DNAH9: variants seen among roughly 807,000 people sequenced by gnomAD.
DNAH9 encodes dynein axonemal heavy chain 9.
DNAH9 carries 345 observed loss-of-function variants against 471.6 expected under a neutral mutation model. The ratio of observed to expected loss-of-function variants is 0.73; its 90% CI spans 0.67 to 0.80. The LOEUF is 0.80. DNAH9 is among the 30% of genes least tolerant of loss of function. DNAH9 has a pLI of 0.00. For missense variants in DNAH9, 5,407 were observed against 5,609.2 expected (o/e 0.96, Z 1.15); for synonymous variants, 2,093 against 2,123.6 (o/e 0.99, Z 0.40).
intron 50 of DNAH9, among the ~76,000 whole-genome samples, chr17:11,857,125 G>A (rs1971654970): frequency 6.6e-6 from 1 of 152,102 alleles, no homozygotes; most frequent in African/African-American, 2.4e-5. Flanking sequence ...AAAGACTCTT[G>A]ACTCAAGTTA....
intron 62 of DNAH9, 138 bp downstream of exon 62, chr17:11,924,079 C>G: frequency 3.1e-6 from 4 of 1,291,502 alleles, no homozygotes; most frequent in Non-Finnish European, 3.2e-6. Flanking sequence ...TTCATCTTCT[C>G]TCTTTCCAGT....
rs867402678 is a variant in DNAH9 at position 11,689,822 on chromosome 17, T to A, written c.4000T>A (p.Leu1334Met). The A allele has an allele frequency of 6.2e-7, 1 of 1,613,620 alleles. No individual in the cohort carries two copies. Among genetic ancestry groups the A allele is most frequent in the Non-Finnish European group, 8.5e-7 (1 of 1,179,826 alleles). Residue 1334 changes from leucine to methionine, a missense_variant, in exon 20 of 69, where the codon TTG becomes ATG. Physicochemically the swap from Leu to Met is conservative, Grantham distance 15. Transcript: ENST00000262442. ...GAATATCAACGTGGAAGCCATGGAG[T>A]TGGAGTGCAAACAGTTTGCCCGGCA... ...WRNINVEAME[L>M]ECKQFARHIR...
intron 67 of DNAH9, among the ~76,000 whole-genome samples, chr17:11,945,565 TTCTGG>T (rs1326168533): frequency 2.0e-5 from 3 of 149,570 alleles, no homozygotes; most frequent in African/African-American, 4.9e-5. Flanking sequence ...CACTTTAAAG[TTCTGG>T]GACTGTTGGA....
chr17:11,885,823 C>T (rs960626115), intron 56 of DNAH9, among the ~76,000 whole-genome samples: 1 of 152,184 alleles, frequency 6.6e-6, no homozygotes, highest in African/African-American at 2.4e-5. Context: ...TTTTGTAATA[C>T]TCCTGCAGTT....
rs534938779 is a variant in DNAH9 at position 11,836,574 on chromosome 17, C to T, written c.9507+1676C>T. Among the ~76,000 whole-genome samples the T allele has an allele frequency of 7.0e-4, 107 of 152,256 alleles. 1 individual carries two copies. Among genetic ancestry groups the T allele is most frequent in the South Asian group, 5.8e-3 (28 of 4,820 alleles). Reference sequence around the variant, plus strand: ...TGTTTCTGAGCCTGAAGCTTTCCTACAGCCAGACAGGCTTCTCTCTGGCCC... The same window carrying T: ...TGTTTCTGAGCCTGAAGCTTTCCTATAGCCAGACAGGCTTCTCTCTGGCCC... On this transcript the variant is annotated intron_variant, in intron 49 of 68. Transcript: ENST00000262442.
chr17:11,701,041 C>T (rs557626099), intron 23 of DNAH9, 81 bp from the exon 24 acceptor site: 18 of 1,497,272 alleles, frequency 1.2e-5, no homozygotes, highest in African/African-American at 2.7e-5. Context: ...CCTTCACTCC[C>T]TCAGACTGAG....
intron 61 of DNAH9, among the ~76,000 whole-genome samples, chr17:11,912,045 G>A (rs772679831): frequency 6.6e-6 from 1 of 152,002 alleles, no homozygotes; most frequent in Non-Finnish European, 1.5e-5. Context: ...TTGAGATGGA[G>A]TCTCGCTCTG....
At chr17:11,637,701 C>A (rs1198769823) in intron 9 of DNAH9, among the ~76,000 whole-genome samples, 1 of 152,068 alleles carries the variant, frequency 6.6e-6, no homozygotes, top group Non-Finnish European at 1.5e-5. Flanking sequence ...GACTGAATGG[C>A]CTCTGACATC....
rs757251988 is a variant in DNAH9, at chr17:11,608,207, G to A, written c.496G>A (p.Ala166Thr). The A allele has an allele frequency of 3.4e-5, 55 of 1,613,782 alleles. No homozygotes were observed. Among genetic ancestry groups the A allele is most frequent in the Admixed American group, 3.3e-4 (20 of 60,006 alleles). Residue 166 changes from alanine to threonine, a missense_variant, in exon 2 of 69, where the codon GCC becomes ACC. By Grantham distance (58) the Ala-to-Thr change is moderately conservative. Transcript: ENST00000262442. ...HMICEDVRRH[A>T]HSLQCDLSVI... ...GATATGTGAGGATGTCAGGCGGCACGCCCACAGCCTCCAATGTGACCTCTC... is the reference window on the plus strand; with the variant it reads ...GATATGTGAGGATGTCAGGCGGCACACCCACAGCCTCCAATGTGACCTCTC...
intron 48 of DNAH9, among the ~76,000 whole-genome samples, chr17:11,831,773 A>C (rs898689589): frequency 6.6e-6 from 1 of 152,180 alleles, no homozygotes; most frequent in Non-Finnish European, 1.5e-5. Flanking sequence ...GGAGCACTGC[A>C]GAAACATCAT....
intron 37 of DNAH9, 86 bp downstream of exon 37, chr17:11,768,712 C>A: frequency 6.7e-7 from 1 of 1,496,062 alleles, no homozygotes. Flanking sequence ...GCATGGCTAT[C>A]TGAGCATTTG....
intron 8 of DNAH9, among the ~76,000 whole-genome samples, chr17:11,635,049 G>A (rs908819397): frequency 1.3e-5 from 2 of 152,170 alleles, no homozygotes; most frequent in African/African-American, 2.4e-5. Flanking sequence ...TCTCATGTTC[G>A]TTGACTTAAA....
At position 11,783,290 on chromosome 17, in the gene DNAH9, C is replaced by T. The variant is rs145267461; in HGVS notation, c.7719-356C>T. Among the ~76,000 whole-genome samples, 23 of 152,316 alleles carry T rather than the reference C, an allele frequency of 1.5e-4. 1 individual carries two copies. The East Asian group carries it at 4.5e-3, about 29-fold the overall frequency. On this transcript the variant is annotated intron_variant, in intron 39 of 68. Transcript: ENST00000262442. ...ATGACTGCATTCTCTCCCTTAGACA[C>T]CCCTGCTGAAGTCACTACCTTTGTT...
intron 9 of DNAH9, among the ~76,000 whole-genome samples, chr17:11,638,325 T>C (rs143587972): frequency 0.017 from 2,537 of 152,234 alleles, 37 homozygotes; most frequent in South Asian, 0.029. Context: ...CTCCAGAAGC[T>C]ATATCGGTAA....
chr17:11,640,408 C>T (rs1452394038), intron 10 of DNAH9, 24 bp downstream of exon 10: 5 of 1,488,846 alleles, frequency 3.4e-6, no homozygotes, highest in Non-Finnish European at 4.7e-6. Context: ...TCCTGAAAGA[C>T]AGGCTTGTCT....
At chr17:11,701,804 A>G (rs2074603199) in intron 24 of DNAH9, among the ~76,000 whole-genome samples, 1 of 152,060 alleles carries the variant, frequency 6.6e-6, no homozygotes. Context: ...TCAGCCTCCC[A>G]GGTAGCTGTG....
chr17:11,681,961 C>T (rs1471904169), intron 19 of DNAH9, among the ~76,000 whole-genome samples: 1 of 152,056 alleles, frequency 6.6e-6, no homozygotes, highest in Non-Finnish European at 1.5e-5. Flanking sequence ...TAGTAGTGTC[C>T]ACCACATATA....
intron 13 of DNAH9, among the ~76,000 whole-genome samples, chr17:11,652,363 G>C (rs1223329715): frequency 7.6e-6 from 1 of 131,098 alleles, no homozygotes; most frequent in Non-Finnish European, 1.5e-5. Flanking sequence ...TCGGCTCACT[G>C]CAAGCTCTGC....
At chr17:11,713,931 T>C (rs1362673895) in intron 26 of DNAH9, among the ~76,000 whole-genome samples, 1 of 152,170 alleles carries the variant, frequency 6.6e-6, no homozygotes. Flanking sequence ...AGAGATGATA[T>C]GGGTGGCGTT....
Sources: allele counts gnomAD v4.1 joint callset (sites outside exome capture counted in the v4.1 genomes callset), GRCh38; gene constraint gnomAD v4.1.1; transcripts MANE v1.5; gene names NCBI Gene and HGNC (gene_info 2026-07-23, HGNC 2026-07-21).